Variants in LINC00305 observed in about 807,000 individuals in gnomAD.
LINC00305 encodes long independently transcribed non-coding RNA 305.
chr18:64,141,829 C>T (rs866200827), intron 1 of LINC00305, among the ~76,000 whole-genome samples: 1 of 152,170 alleles, frequency 6.6e-6, no homozygotes, highest in Non-Finnish European at 1.5e-5. Context: ...TGTACTTTAG[C>T]ATTATATGCA....
At chr18:64,089,150 G>T (rs1450710964) in intron 3 of LINC00305, among the ~76,000 whole-genome samples, 1 of 152,150 alleles carries the variant, frequency 6.6e-6, no homozygotes, top group Non-Finnish European at 1.5e-5. Context: ...ATCCCCAGAG[G>T]TAGAGAGAGG....
intron 1 of LINC00305, among the ~76,000 whole-genome samples, chr18:64,132,401 G>C (rs924171011): frequency 2.6e-5 from 4 of 152,228 alleles, no homozygotes; most frequent in Non-Finnish European, 2.9e-5. Context: ...ATAAAAAGGG[G>C]TGCCTCATTA....
At chr18:64,125,459 A>G (rs1488268846) in intron 1 of LINC00305, among the ~76,000 whole-genome samples, 1 of 152,138 alleles carries the variant, frequency 6.6e-6, no homozygotes, top group Non-Finnish European at 1.5e-5. Flanking sequence ...TCGTATTCTC[A>G]AATATTTATC....
At chr18:64,122,567 A>G (rs371873585) in intron 1 of LINC00305, among the ~76,000 whole-genome samples, 11 of 152,248 alleles carry the variant, frequency 7.2e-5, no homozygotes, top group African/African-American at 2.6e-4. Context: ...TACCAGTACT[A>G]TACTGTTTTG....
At chr18:64,138,757 G>A (rs866130248) in intron 1 of LINC00305, among the ~76,000 whole-genome samples, 1 of 151,860 alleles carries the variant, frequency 6.6e-6, no homozygotes, top group Non-Finnish European at 1.5e-5. Flanking sequence ...ACTTAATTTC[G>A]GACAGAATCT....
chr18:64,110,167 C>T (rs1289212748), intron 1 of LINC00305, among the ~76,000 whole-genome samples: 1 of 152,046 alleles, frequency 6.6e-6, no homozygotes, highest in African/African-American at 2.4e-5. Context: ...AGCTTGGATC[C>T]CTGAGAGGCC....
chr18:64,090,465 A>G (rs2051220686), intron 3 of LINC00305, among the ~76,000 whole-genome samples: 1 of 152,206 alleles, frequency 6.6e-6, no homozygotes, highest in South Asian at 2.1e-4. Flanking sequence ...GCTACTATCA[A>G]TAGTGCTAAT....
At chr18:64,118,686 A>G (rs2051348438) in intron 1 of LINC00305, among the ~76,000 whole-genome samples, 1 of 152,144 alleles carries the variant, frequency 6.6e-6, no homozygotes, top group Admixed American at 6.6e-5. Flanking sequence ...ATATACATAT[A>G]TAAATTTAAA....
chr18:64,085,452 C>G (rs1037559441), intron 3 of LINC00305, among the ~76,000 whole-genome samples: 1 of 150,734 alleles, frequency 6.6e-6, no homozygotes, highest in Non-Finnish European at 1.5e-5. Flanking sequence ...ACTCTAATCT[C>G]TATGTATTTG....
At chr18:64,081,603 C>T (rs2051185289) in intron 3 of LINC00305, among the ~76,000 whole-genome samples, 1 of 152,070 alleles carries the variant, frequency 6.6e-6, no homozygotes, top group South Asian at 2.1e-4. Flanking sequence ...GTTTAACATA[C>T]TTGTTTGATT....
intron 3 of LINC00305, among the ~76,000 whole-genome samples, chr18:64,088,405 A>C (rs906745141): frequency 6.6e-6 from 1 of 152,216 alleles, no homozygotes; most frequent in Non-Finnish European, 1.5e-5. Flanking sequence ...CATGCATCTC[A>C]GTGCTCTTTC....
intron 3 of LINC00305, among the ~76,000 whole-genome samples, chr18:64,085,741 G>A (rs886378703): frequency 6.6e-6 from 1 of 152,210 alleles, no homozygotes; most frequent in Non-Finnish European, 1.5e-5. Context: ...GATTACAGGC[G>A]TGAGCCACCA....
At chr18:64,119,832 C>A (rs778209749) in intron 1 of LINC00305, among the ~76,000 whole-genome samples, 2 of 152,042 alleles carry the variant, frequency 1.3e-5, no homozygotes, top group Non-Finnish European at 2.9e-5. Flanking sequence ...ATCTTCTTTT[C>A]TCTGTGGCAT....
exon 3 of LINC00305, chr18:64,097,896 C>T: frequency 2.2e-6 from 1 of 458,120 alleles, no homozygotes; most frequent in Non-Finnish European, 4.4e-6. Flanking sequence ...ACGCTTTGCA[C>T]ATTTGACCTT....
chr18:64,126,761 C>G (rs939311158), intron 1 of LINC00305, among the ~76,000 whole-genome samples: 2 of 152,078 alleles, frequency 1.3e-5, no homozygotes, highest in Non-Finnish European at 2.9e-5. Flanking sequence ...ATCTTTACAT[C>G]TCTCACCCCC....
At chr18:64,101,628 T>G (rs2051268364) in intron 1 of LINC00305, among the ~76,000 whole-genome samples, 1 of 152,204 alleles carries the variant, frequency 6.6e-6, no homozygotes, top group Non-Finnish European at 1.5e-5. Context: ...TGACTTCATT[T>G]TAACAGATTA....
At chr18:64,112,008 T>C (rs1455233533) in intron 1 of LINC00305, among the ~76,000 whole-genome samples, 1 of 152,188 alleles carries the variant, frequency 6.6e-6, no homozygotes, top group Non-Finnish European at 1.5e-5. Context: ...ATATTTCCCC[T>C]TAATATGTCG....
intron 1 of LINC00305, among the ~76,000 whole-genome samples, chr18:64,102,283 T>G (rs1310330986): frequency 6.6e-6 from 1 of 152,252 alleles, no homozygotes; most frequent in Non-Finnish European, 1.5e-5. Flanking sequence ...AGCTAAGACA[T>G]ATAAACTGAT....
chr18:64,143,713 A>G (rs150639064), intron 1 of LINC00305, among the ~76,000 whole-genome samples: 5,796 of 141,200 alleles, frequency 0.041, 513 homozygotes, highest in Non-Finnish European at 0.072. Context: ...GTATGTCCAC[A>G]TATTATGCGT....
Sources: allele counts gnomAD v4.1 joint callset (sites outside exome capture counted in the v4.1 genomes callset), GRCh38; gene constraint gnomAD v4.1.1; transcripts MANE v1.5; gene names NCBI Gene and HGNC (gene_info 2026-07-23, HGNC 2026-07-21).